HELLS: variants seen among roughly 807,000 people sequenced by gnomAD.
HELLS encodes helicase, lymphoid specific, also known as lymphoid-specific helicase.
Under a neutral mutation model 120.0 loss-of-function variants are expected in HELLS, and 32 were observed. The ratio of observed to expected loss-of-function variants is 0.27; its 90% CI spans 0.20 to 0.36. The LOEUF (loss-of-function observed/expected upper bound fraction) is 0.36. HELLS is among the 10% of genes least tolerant of loss of function. The pLI is 1.00. For synonymous variants in HELLS, 341 were observed against 323.4 expected, an observed-to-expected ratio of 1.05 and a Z score of -0.58; for missense variants, 650 against 993.4, an observed-to-expected ratio of 0.65 and a Z score of 4.65.
At chr10:94,578,395 C>T (rs989971536) in intron 10 of HELLS, among the ~76,000 whole-genome samples, 3 of 152,008 alleles carry the variant, frequency 2.0e-5, no homozygotes, top group Non-Finnish European at 4.4e-5. Context: ...ATAAAATTGT[C>T]ATATATAATG....
chr10:94,587,359 A>G (rs1845220984), intron 12 of HELLS, among the ~76,000 whole-genome samples: 1 of 152,148 alleles, frequency 6.6e-6, no homozygotes, highest in African/African-American at 2.4e-5. Flanking sequence ...CATATCATGG[A>G]GAATGGGGTA....
At chr10:94,578,573 T>C (rs1045799083) in intron 10 of HELLS, among the ~76,000 whole-genome samples, 9 of 151,842 alleles carry the variant, frequency 5.9e-5, no homozygotes, top group Admixed American at 2.0e-4. Context: ...CTGGGCATAG[T>C]GGCCTAGCTC....
chr10:94,549,076 A>G (rs982464302), intron 2 of HELLS, among the ~76,000 whole-genome samples: 3 of 152,182 alleles, frequency 2.0e-5, no homozygotes, highest in Admixed American at 6.5e-5. Flanking sequence ...TTCGTATTAC[A>G]TTGTCTTGTT....
chr10:94,558,895 C>T (rs1338598070), intron 4 of HELLS, among the ~76,000 whole-genome samples: 1 of 152,156 alleles, frequency 6.6e-6, no homozygotes, highest in Admixed American at 6.5e-5. Context: ...GCCACCACGC[C>T]CAGCCTGTTT....
chr10:94,570,759 A>G (rs1279677240), intron 6 of HELLS: 1 of 151,904 alleles, frequency 6.6e-6, no homozygotes, highest in African/African-American at 2.4e-5. Context: ...TGTATTTTTA[A>G]TTTTTTCTGT....
chr10:94,592,198 T>C (rs1845521306), intron 15 of HELLS, 31 bp from the exon 16 acceptor site: 2 of 1,480,312 alleles, frequency 1.4e-6, no homozygotes, highest in Admixed American at 3.9e-5. Context: ...CAGTTTTCTC[T>C]CTATTTTTTC....
At chr10:94,610,141 C>T (rs142585811) in exon 10 of HELLS, 1 of 152,284 alleles carries the variant, frequency 6.6e-6, no homozygotes, top group Admixed American at 6.5e-5. Flanking sequence ...CAAAATATCC[C>T]ACTGTTGCTA....
At chr10:94,581,140 T>C (rs745862719) in intron 10 of HELLS, among the ~76,000 whole-genome samples, 186 bp from the exon 11 acceptor site, 7 of 152,206 alleles carry the variant, frequency 4.6e-5, no homozygotes, top group Non-Finnish European at 8.8e-5. Flanking sequence ...AACAGAAATA[T>C]CTATCAGTTT....
chr10:94,603,048 T>G (rs1488910801), downstream of HELLS, among the ~76,000 whole-genome samples: 1 of 152,226 alleles, frequency 6.6e-6, no homozygotes, highest in South Asian at 2.1e-4. Context: ...TCTTTAAAAG[T>G]TGTCACCGTT....
At chr10:94,546,158 C>T (rs1300906240) in intron 1 of HELLS, among the ~76,000 whole-genome samples, 1 of 152,202 alleles carries the variant, frequency 6.6e-6, no homozygotes, top group Non-Finnish European at 1.5e-5. Context: ...ACATAGGCAA[C>T]TGCATTTTCC....
At chr10:94,585,385 G>GTTTTTTTTTTTTTTTTTTTTTGTTTTTT (rs10540229) in intron 12 of HELLS, among the ~76,000 whole-genome samples, 1 of 122,014 alleles carries the variant, frequency 8.2e-6, no homozygotes, top group African/African-American at 3.0e-5. Flanking sequence ...GTTTGTTTTT[G>GTTTTTTTTTTTTTTTTTTTTTGTTTTTT]TTTTTTTTTT....
intron 4 of HELLS, among the ~76,000 whole-genome samples, chr10:94,558,851 T>A (rs963790707): frequency 1.3e-5 from 2 of 152,162 alleles, no homozygotes; most frequent in African/African-American, 4.8e-5. Context: ...TCTGCCCACC[T>A]CGGCCTCCCA....
chr10:94,589,680 CTTTTTTTTTTT>C lies in HELLS; in HGVS notation c.1489-719_1489-709del, dbSNP rs67491329. On this transcript the variant is annotated intron_variant, in intron 13 of 21. Transcript: ENST00000348459. ...GACCACCAGACTCTTCTCCCCCCGACTTTTTTTTTTTTTTTTTTTTTTTTGAGACAGAGTCT... is the reference window on the plus strand; with the variant it reads ...GACCACCAGACTCTTCTCCCCCCGACTTTTTTTTTTTTTGAGACAGAGTCT... Among the ~76,000 whole-genome samples, 53 of 91,998 alleles carry C rather than the reference CTTTTTTTTTTT, an allele frequency of 5.8e-4. 1 individual carries two copies. The highest frequency in any genetic ancestry group is 2.2e-3 in the African/African-American group (50 of 22,296). 60.4% of individuals were successfully genotyped at this position (91,998 alleles called of 152,430 possible).
rs752476171 is a variant in HELLS at position 94,573,969 on chromosome 10, T to A, written c.487T>A (p.Ser163Thr). 1 of 1,597,592 alleles carries A rather than the reference T, an allele frequency of 6.3e-7. No homozygotes were observed. The highest frequency in any genetic ancestry group is 1.7e-5 in the Admixed American group (1 of 59,424). ...KNKKENEDENSSSTNLCVEDL... is the reference protein window; with the variant it reads ...KNKKENEDENTSSTNLCVEDL... ...CTTTTTTTCTCTACAGGATGAAAAC[T>A]CCTCCTCTACTAATCTCTGTGTGGA... Residue 163 changes from serine (S) to threonine (T), a missense_variant, in exon 8 of 22, where the codon TCC becomes ACC. By Grantham distance (58) the Ser-to-Thr change is moderately conservative. Transcript: ENST00000348459.
chr10:94,610,949 A>T (rs1009749043), exon 10 of HELLS: 2 of 152,178 alleles, frequency 1.3e-5, no homozygotes, highest in African/African-American at 4.8e-5. Flanking sequence ...TCGAAGGAAG[A>T]AAATTACAGC....
chr10:94,546,579 G>T (rs1166557049), intron 2 of HELLS, 81 bp downstream of exon 2: 8 of 1,522,056 alleles, frequency 5.3e-6, no homozygotes, highest in Non-Finnish European at 7.3e-6. Flanking sequence ...TGTGTTCTTT[G>T]CTTTCCTATT....
intron 6 of HELLS, among the ~76,000 whole-genome samples, chr10:94,568,660 A>G (rs1843962621): frequency 6.6e-6 from 1 of 152,200 alleles, no homozygotes; most frequent in Non-Finnish European, 1.5e-5. Context: ...ATGGTTTCAC[A>G]AGGAATTGCA....
At chr10:94,604,780 C>T (rs1263868077), downstream of HELLS, among the ~76,000 whole-genome samples, 1 of 151,812 alleles carries the variant, frequency 6.6e-6, no homozygotes, top group Non-Finnish European at 1.5e-5. Context: ...TATTTTCATT[C>T]TTGTGCAGCT....
In HELLS at chr10:94,581,293, T is replaced by A. The variant is rs181171555; in HGVS notation, c.1033-33T>A. The A allele has an allele frequency of 5.3e-5, 72 of 1,352,570 alleles. No homozygotes were observed. The Admixed American group carries it at 5.8e-4, about 11-fold the overall frequency. 83.8% of individuals were successfully genotyped at this position (1,352,570 alleles called of 1,614,324 possible). A position where few individuals can be genotyped will look rare whatever the true frequency, so the allele number is the denominator to read the frequency against. Reference sequence around the variant, plus strand: ...TGTTAGAAAAATTGTGAGATCATTGTTTAAAAATCTTTTTCCTCAATTCGT... The same window carrying A: ...TGTTAGAAAAATTGTGAGATCATTGATTAAAAATCTTTTTCCTCAATTCGT... On this transcript the variant is annotated intron_variant, in intron 10 of 21. Coordinates refer to ENST00000348459, the MANE Select transcript of HELLS (RefSeq NM_018063.5).
Sources: gnomAD v4.1 joint callset for allele counts (sites outside exome capture counted in the v4.1 genomes callset) on GRCh38, gnomAD v4.1.1 for gene constraint, MANE v1.5 for transcripts, NCBI Gene and HGNC (gene_info 2026-07-23, HGNC 2026-07-21) for gene names.